The following TMEM175 variants were observed in gnomAD, a reference collection of about 807,000 sequenced individuals.
TMEM175 encodes endosomal/lysosomal proton channel TMEM175.
A neutral mutation model predicts 36.5 loss-of-function variants in TMEM175; 36 were observed. That is an observed-to-expected ratio of 0.99 (90% CI 0.76 to 1.30). The LOEUF is 1.30. TMEM175 is among the 50% of genes most tolerant of loss of function. The probability of loss-of-function intolerance (pLI) is 0.00; values close to 1 mark genes in which losing one functional copy is unlikely to be tolerated. For missense variants in TMEM175, 705 were observed against 692.8 expected, an observed-to-expected ratio of 1.02 and a Z score of -0.20; for synonymous variants, 339 against 313.4, an observed-to-expected ratio of 1.08 and a Z score of -0.86.
chr4:941,876 A>G (rs1201835156), intron 1 of TMEM175, among the ~76,000 whole-genome samples: 1 of 151,922 alleles, frequency 6.6e-6, no homozygotes, highest in Non-Finnish European at 1.5e-5. Flanking sequence ...GGCCACATAG[A>G]CCCCATGTCT....
intron 9 of TMEM175, 25 bp downstream of exon 9, chr4:955,508 C>T: frequency 1.2e-6 from 2 of 1,605,186 alleles, no homozygotes; most frequent in Non-Finnish European, 1.7e-6. Flanking sequence ...GGTGGGCTGG[C>T]CTGAGAGGCC....
At position 958,069 on chromosome 4, in the gene TMEM175, C is replaced by T. The variant is rs150445888; in HGVS notation, c.1088C>T (p.Ser363Leu). 1.1e-4 allele frequency: 185 copies of T among 1,609,204 alleles called. No individual in the cohort carries two copies. Among genetic ancestry groups the T allele is most frequent in the Non-Finnish European group, 1.5e-4 (173 of 1,179,542 alleles). ...CTCCCACTAGCCTACCAGCAGACCT[C>T]GGCCTTCGCCCGGCAGCCCCGCGAT... Reference protein sequence around the residue: ...GGLPLAYQQTSAFARQPRDEL... With the variant: ...GGLPLAYQQTLAFARQPRDEL... Residue 363 changes from serine (S) to leucine (L), a missense_variant, in exon 11 of 11, where the codon TCG becomes TTG. Ser to Leu is a moderately radical substitution (Grantham distance 145, BLOSUM62 -2). Transcript: ENST00000264771.
Position 957,919 on chromosome 4 carries a change from A to G in TMEM175, c.938A>G (p.Tyr313Cys), listed in dbSNP as rs1161512129. 3 of 1,612,748 alleles carry G rather than the reference A, an allele frequency of 1.9e-6. No individual in the cohort carries two copies. The highest frequency in any genetic ancestry group is 2.2e-5 in the East Asian group (1 of 44,894). ...LSATGPRFLA[Y>C]FGSFATVGLL... ...GCGACCGGGCCGCGCTTCCTGGCGT[A>G]CTTCGGCTCCTTCGCCACAGTGGGA... The change falls in exon 11 of 11, where the codon TAC (tyrosine) becomes TGC (cysteine). Residue 313 changes from tyrosine to cysteine, a missense_variant. Coordinates refer to ENST00000264771, the MANE Select transcript of TMEM175 (RefSeq NM_032326.4).
intron 10 of TMEM175, chr4:956,447 T>TG: frequency 8.3e-7 from 1 of 1,211,306 alleles, no homozygotes; most frequent in Non-Finnish European, 1.1e-6. Context: ...TGTGGGGTTT[T>TG]TTTTTTTTTT....
intron 1 of TMEM175, among the ~76,000 whole-genome samples, chr4:935,265 A>G (rs1366021564): frequency 6.6e-6 from 1 of 152,184 alleles, no homozygotes; most frequent in South Asian, 2.1e-4. Flanking sequence ...TAGTAACACC[A>G]TCTTAACCCA....
intron 1 of TMEM175, among the ~76,000 whole-genome samples, chr4:941,279 C>G (rs1293170740): frequency 1.4e-5 from 2 of 142,890 alleles, no homozygotes; most frequent in South Asian, 2.2e-4. Context: ...GGGAGGCTGA[C>G]ACAGGAGAAT....
intron 1 of TMEM175, among the ~76,000 whole-genome samples, chr4:941,263 C>G (rs1727449275): frequency 6.7e-6 from 1 of 149,510 alleles, no homozygotes; most frequent in Admixed American, 6.7e-5. Context: ...GTAATCCCAG[C>G]TGCTCGGGAG....
At chr4:956,616 G>C (rs549371166) in intron 10 of TMEM175, 1 of 540,256 alleles carries the variant, frequency 1.9e-6, no homozygotes, top group Non-Finnish European at 2.9e-6. Flanking sequence ...CTAACTTTTT[G>C]CATTTTTAAT....
At chr4:951,609 G>C (rs1281025648) in intron 5 of TMEM175, 73 bp from the exon 6 acceptor site, 6 of 1,602,558 alleles carry the variant, frequency 3.7e-6, no homozygotes, top group South Asian at 1.1e-5. Context: ...TGCCTTCCCG[G>C]AGTGGGCTCT....
In TMEM175 at chr4:952,362, A is replaced by T; in HGVS notation, c.379-5A>T. Reference sequence around the variant, plus strand: ...GGGGGTTTGGTTTTGTTTTTGTTTTAACAGTTTTCGTTAATGGTGACCTTC... The same window carrying T: ...GGGGGTTTGGTTTTGTTTTTGTTTTTACAGTTTTCGTTAATGGTGACCTTC... On this transcript the variant is annotated splice_region_variant and splice_polypyrimidine_tract_variant and intron_variant, in intron 6 of 10. Transcript: ENST00000264771. 6.2e-7 allele frequency: 1 copy of T among 1,611,070 alleles called. No homozygotes were observed. The highest frequency in any genetic ancestry group is 8.5e-7 in the Non-Finnish European group (1 of 1,179,752).
chr4:936,075 G>C (rs1383654538), intron 1 of TMEM175, among the ~76,000 whole-genome samples: 1 of 152,122 alleles, frequency 6.6e-6, no homozygotes, highest in Non-Finnish European at 1.5e-5. Context: ...AAGTTGGCTG[G>C]GCACGGTAGC....
At chr4:951,793 C>T (rs2153002837) in intron 6 of TMEM175, 76 bp downstream of exon 6, 1 of 1,499,446 alleles carries the variant, frequency 6.7e-7, no homozygotes, top group East Asian at 2.3e-5. Flanking sequence ...CAAAAGCAGA[C>T]CAGCTGGATG....
At chr4:949,612 G>C (rs562787514) in intron 3 of TMEM175, among the ~76,000 whole-genome samples, 1 of 152,218 alleles carries the variant, frequency 6.6e-6, no homozygotes, top group African/African-American at 2.4e-5. Context: ...CTAAGTTATT[G>C]ACCCAGAGAC....
At chr4:950,344 C>G in intron 3 of TMEM175, 77 bp from the exon 4 acceptor site, 7 of 1,234,306 alleles carry the variant, frequency 5.7e-6, no homozygotes, top group Non-Finnish European at 7.1e-6. Context: ...CCAGCCCCCC[C>G]TCACGGTGCT....
intron 8 of TMEM175, among the ~76,000 whole-genome samples, chr4:953,932 C>T (rs565744616): frequency 4.6e-5 from 7 of 152,314 alleles, no homozygotes; most frequent in South Asian, 4.1e-4. Context: ...GTGATCCTCC[C>T]GCCTTAGCCT....
intron 10 of TMEM175, 142 bp downstream of exon 10, chr4:956,032 A>G: frequency 9.1e-7 from 1 of 1,098,256 alleles, no homozygotes; most frequent in Non-Finnish European, 1.3e-6. Context: ...GTGTGAGGTC[A>G]GGGCAGCCCC....
intron 4 of TMEM175, 51 bp from the exon 5 acceptor site, chr4:951,156 A>G (rs373582291): frequency 2.2e-5 from 33 of 1,533,144 alleles, no homozygotes; most frequent in Non-Finnish European, 2.7e-5. Flanking sequence ...GTGTGCATTT[A>G]ATGTTACTAC....
Position 951,514 on chromosome 4 carries a change from A to C in TMEM175, c.343-168A>C, listed in dbSNP as rs1728884568. 5 of 879,950 alleles carry C rather than the reference A, an allele frequency of 5.7e-6. No individual in the cohort carries two copies. In the South Asian group the frequency reaches 7.8e-5, roughly 14 times the overall value. 54.5% of individuals were successfully genotyped at this position (879,950 alleles called of 1,614,324 possible). On this transcript the variant is annotated intron_variant, in intron 5 of 10. Coordinates refer to ENST00000264771, the MANE Select transcript of TMEM175 (RefSeq NM_032326.4). The stretch of plus-strand genomic sequence containing the variant: ...GGCACAGGTGTAGGGGACAGAGAGG[A>C]TGAGTGCCCCCATCTGGCCCTGCAG...
intron 10 of TMEM175, chr4:956,489 C>G: frequency 7.9e-7 from 1 of 1,259,962 alleles, no homozygotes; most frequent in Non-Finnish European, 1.0e-6. Flanking sequence ...GTCGCCCAGG[C>G]TGGAGTATAG....
Sources: allele counts gnomAD v4.1 joint callset (sites outside exome capture counted in the v4.1 genomes callset), GRCh38; gene constraint gnomAD v4.1.1; transcripts MANE v1.5; gene names NCBI Gene and HGNC (gene_info 2026-07-23, HGNC 2026-07-21).